Variants in CHD5 observed in about 807,000 individuals in gnomAD.
The protein encoded by CHD5 is chromodomain helicase DNA binding protein 5.
CHD5 carries 69 observed loss-of-function variants against 230.3 expected under a neutral mutation model. That is an observed-to-expected ratio of 0.30 (90% CI 0.25 to 0.37). The LOEUF (loss-of-function observed/expected upper bound fraction) is 0.37, where lower values mean the gene tolerates loss of function less well. Ranked by LOEUF, CHD5 falls within the 10% of genes least tolerant of loss-of-function variation. The probability of loss-of-function intolerance (pLI) is 1.00; values close to 1 mark genes in which losing one functional copy is unlikely to be tolerated. For missense variants in CHD5, 1,827 were observed against 2,622.8 expected (o/e 0.70, Z 6.63); for synonymous variants, 1,064 against 1,065.9 (o/e 1.00, Z 0.03).
rs1666547531 is a variant in CHD5 at position 6,125,888 on chromosome 1, G to C, written c.4079-30C>G. The C allele has an allele frequency of 6.4e-7, 1 of 1,559,794 alleles. No individual in the cohort carries two copies. Among genetic ancestry groups the C allele is most frequent in the African/African-American group, 1.4e-5 (1 of 73,880 alleles). On this transcript the variant is annotated intron_variant, in intron 26 of 41. Transcript: ENST00000262450. This position sits in a 1 kb window ranked among gnomAD's most constrained non-coding sequence, Gnocchi z 6.7. ...AGGGGGCCAGACAGAGGGGCACGGA[G>C]TGAGCTGTACAAGCAAAGCCCACCC...
At chr1:6,143,151 C>G (rs538733069) in intron 13 of CHD5, among the ~76,000 whole-genome samples, 1 of 152,154 alleles carries the variant, frequency 6.6e-6, no homozygotes, top group Non-Finnish European at 1.5e-5. Flanking sequence ...TTCCTGGGCT[C>G]AAGGGATTCT....
Position 6,179,991 on chromosome 1 carries a change from C to G in CHD5, c.33G>C (p.Leu11=). 1 of 1,389,590 alleles carries G rather than the reference C, an allele frequency of 7.2e-7. No homozygotes were observed. The highest frequency in any genetic ancestry group is 9.4e-7 in the Non-Finnish European group (1 of 1,059,994). 86.1% of individuals were successfully genotyped at this position (1,389,590 alleles called of 1,614,324 possible). A position where few individuals can be genotyped will look rare whatever the true frequency, so the allele number is the denominator to read the frequency against. The change falls in exon 1 of 42, where the codon CTG becomes CTC. Residue 11 remains leucine, a synonymous_variant. Coordinates refer to ENST00000262450, the MANE Select transcript of CHD5 (RefSeq NM_015557.3). MRGPVGTEEE[L]PRLFAEEMEN... ...CCATCTCCTCGGCGAACAGCCGCGG[C>G]AGCTCCTCCTCGGTGCCCACTGGGC...
At chr1:6,138,839 G>A (rs145641067) in intron 15 of CHD5, among the ~76,000 whole-genome samples, 40 of 152,290 alleles carry the variant, frequency 2.6e-4, no homozygotes, top group South Asian at 8.3e-4. Context: ...CGTTACTGAC[G>A]ACCACTAAAA....
intron 1 of CHD5, among the ~76,000 whole-genome samples, chr1:6,178,794 A>G (rs1192283422): frequency 6.6e-6 from 1 of 152,046 alleles, no homozygotes; most frequent in African/African-American, 2.4e-5. Context: ...CCTGGTGGGA[A>G]TACCCTCCCC....
chr1:6,179,880 C>G (rs1474593187), intron 1 of CHD5, 65 bp downstream of exon 1: 1 of 930,976 alleles, frequency 1.1e-6, no homozygotes, highest in Non-Finnish European at 1.3e-6. Context: ...CGCGCTCCGC[C>G]CTGGGCCCGG....
In CHD5 at chr1:6,180,075, G is replaced by T; in HGVS notation, c.-52C>A. The T allele has an allele frequency of 9.4e-7, 1 of 1,069,460 alleles. No individual in the cohort carries two copies. Among genetic ancestry groups the T allele is most frequent in the Non-Finnish European group, 1.2e-6 (1 of 840,334 alleles). 66.2% of individuals were successfully genotyped at this position (1,069,460 alleles called of 1,614,324 possible). On this transcript the variant is annotated 5_prime_UTR_variant, in exon 1 of 42. Transcript: ENST00000262450. ...GGCGCCCCCCCTCCCGCCGGGCGCGGTGCCAGCCTTAACCCGTGCGCTGCC... is the reference window on the plus strand; with the variant it reads ...GGCGCCCCCCCTCCCGCCGGGCGCGTTGCCAGCCTTAACCCGTGCGCTGCC...
chr1:6,155,958 C>T lies in CHD5; in HGVS notation c.388-241G>A, dbSNP rs1049746632. 1.3e-5 allele frequency among the ~76,000 whole-genome samples: 2 copies of T among 152,204 alleles called. No individual in the cohort carries two copies. Among genetic ancestry groups the T allele is most frequent in the African/African-American group, 2.4e-5 (1 of 41,448 alleles). ...GCCCACGAAGTGCAGGCCAAGTGTT[C>T]GACGTCAGGGTTTGGGGAGAGGCCA... On this transcript the variant is annotated intron_variant, in intron 3 of 41. Coordinates refer to ENST00000262450, the MANE Select transcript of CHD5 (RefSeq NM_015557.3). The surrounding 1 kb of genome is among the most constrained non-coding windows in gnomAD (Gnocchi z 4.0).
At chr1:6,136,976 A>G (rs1056697678) in intron 15 of CHD5, 111 bp from the exon 16 acceptor site, 58 of 1,234,090 alleles carry the variant, frequency 4.7e-5, no homozygotes, top group Non-Finnish European at 4.5e-5. Flanking sequence ...CAAAGGCTCC[A>G]CGGAGCCCTG....
Position 6,155,458 on chromosome 1 carries a change from C to G in CHD5, c.506+141G>C. 1 of 674,836 alleles carries G rather than the reference C, an allele frequency of 1.5e-6. No individual in the cohort carries two copies. The highest frequency in any genetic ancestry group is 2.6e-6 in the Non-Finnish European group (1 of 384,268). 41.8% of individuals were successfully genotyped at this position (674,836 alleles called of 1,614,324 possible). A position where few individuals can be genotyped will look rare whatever the true frequency, so the allele number is the denominator to read the frequency against. On this transcript the variant is annotated intron_variant, in intron 4 of 41. Coordinates refer to ENST00000262450, the MANE Select transcript of CHD5 (RefSeq NM_015557.3). The surrounding 1 kb of genome is among the most constrained non-coding windows in gnomAD (Gnocchi z 4.0). ...ATGAAGGGGTCCTGCCCCCTCCCTC[C>G]AGCTCCCCCAGGTTGCTCAGTCGGT...
At chr1:6,168,128 C>T (rs201933774) in intron 2 of CHD5, 22 bp downstream of exon 2, 388 of 1,585,328 alleles carry the variant, frequency 2.4e-4, no homozygotes, top group South Asian at 2.3e-3. Flanking sequence ...CCAAGCTCGC[C>T]GGCGCAGGTG....
chr1:6,143,452 G>A (rs185109691), intron 13 of CHD5, among the ~76,000 whole-genome samples: 10 of 152,218 alleles, frequency 6.6e-5, no homozygotes, highest in East Asian at 5.8e-4. Context: ...CAGGCCCTCC[G>A]TGTTCTGTGG....
At chr1:6,106,197 G>A (rs1245072399) in intron 41 of CHD5, 37 bp downstream of exon 41, 3 of 1,579,828 alleles carry the variant, frequency 1.9e-6, no homozygotes, top group South Asian at 1.1e-5. Context: ...CCAGCAATGG[G>A]GTGGCGGGGA....
In CHD5 at chr1:6,125,521, C is replaced by T. The variant is rs367678249; in HGVS notation, c.4260+3G>A. ...AAGAGATGCGGGAACAGACAGGCCC[C>T]ACCTCGATGTTGCCACCAACTCGGG... On this transcript the variant is annotated splice_donor_region_variant and intron_variant, in intron 28 of 41. Transcript: ENST00000262450. The surrounding 1 kb of genome is among the most constrained non-coding windows in gnomAD (Gnocchi z 6.7). 3 of 1,575,194 alleles carry T rather than the reference C, an allele frequency of 1.9e-6. No homozygotes were observed. The highest frequency in any genetic ancestry group is 2.6e-6 in the Non-Finnish European group (3 of 1,158,992).
At chr1:6,159,617 G>C (rs113922162) in intron 2 of CHD5, 102 bp from the exon 3 acceptor site, 1 of 895,332 alleles carries the variant, frequency 1.1e-6, no homozygotes, top group African/African-American at 1.7e-5. Context: ...CCCACGCTGG[G>C]GATCGACCGA....
chr1:6,123,431 C>CT (rs112184388), intron 31 of CHD5, among the ~76,000 whole-genome samples: 10,172 of 146,682 alleles, frequency 0.069, 574 homozygotes, highest in East Asian at 0.29. Flanking sequence ...CTGAATAGTA[C>CT]TTTTTTTTTT....
intron 33 of CHD5, among the ~76,000 whole-genome samples, chr1:6,118,264 G>T (rs1021996553): frequency 4.0e-5 from 6 of 151,648 alleles, no homozygotes; most frequent in South Asian, 4.2e-4. Context: ...TGTAGTCCCA[G>T]CTACTTGGGA....
rs1666652310 is a variant in CHD5, at chr1:6,131,230, C to A, written c.3262+401G>T. On this transcript the variant is annotated intron_variant, in intron 21 of 41. Coordinates refer to ENST00000262450, the MANE Select transcript of CHD5 (RefSeq NM_015557.3). The surrounding 1 kb of genome is among the most constrained non-coding windows in gnomAD (Gnocchi z 5.0). ...AGCATGGGTGACTCTGGGGAAAGAG[C>A]CTGATCATGTGTGGCCCAGCCCTTT... Among the ~76,000 whole-genome samples the A allele has an allele frequency of 1.3e-5, 2 of 152,312 alleles. No individual in the cohort carries two copies. Among genetic ancestry groups the A allele is most frequent in the Middle Eastern group, 6.8e-3 (2 of 294 alleles).
chr1:6,141,955 G>GC (rs1472956946), intron 15 of CHD5, among the ~76,000 whole-genome samples, 173 bp downstream of exon 15: 1 of 152,148 alleles, frequency 6.6e-6, no homozygotes, highest in Non-Finnish European at 1.5e-5. Context: ...TGTTACAGGA[G>GC]CCCCAGAAAA....
chr1:6,116,862 T>C (rs1200557855), intron 33 of CHD5, among the ~76,000 whole-genome samples: 1 of 152,152 alleles, frequency 6.6e-6, no homozygotes, highest in African/African-American at 2.4e-5. Flanking sequence ...CTGGTAAGAA[T>C]GTGAGAAGAT....
Sources: allele counts gnomAD v4.1 joint callset (sites outside exome capture counted in the v4.1 genomes callset), GRCh38; gene constraint gnomAD v4.1.1; non-coding constraint Gnocchi (gnomAD v3.1); transcripts MANE v1.5; gene names NCBI Gene and HGNC (gene_info 2026-07-23, HGNC 2026-07-21).